The following ELL variants were observed in gnomAD, a reference collection of about 807,000 sequenced individuals.
ELL encodes elongation factor for RNA polymerase II.
ELL carries 18 observed loss-of-function variants against 64.0 expected under a neutral mutation model. The ratio of observed to expected loss-of-function variants is 0.28; its 90% confidence interval spans 0.19 to 0.42. The LOEUF (loss-of-function observed/expected upper bound fraction) is 0.42. ELL is among the 10% of genes least tolerant of loss of function. ELL has a pLI of 1.00. For synonymous variants in ELL, 399 were observed against 376.2 expected, an observed-to-expected ratio of 1.06 and a Z score of -0.70; for missense variants, 797 against 870.4, an observed-to-expected ratio of 0.92 and a Z score of 1.06.
chr19:18,456,929 T>C (rs1568378820), intron 6 of ELL, among the ~76,000 whole-genome samples: 1 of 146,918 alleles, frequency 6.8e-6, no homozygotes, highest in South Asian at 2.2e-4. Flanking sequence ...CTGCTATAAA[T>C]GGGGCTTTCT....
At chr19:18,503,157 C>A (rs964220047) in intron 1 of ELL, among the ~76,000 whole-genome samples, 1 of 152,228 alleles carries the variant, frequency 6.6e-6, no homozygotes, top group Non-Finnish European at 1.5e-5. Context: ...TGGCACCCAG[C>A]GCAGGGACAT....
At position 18,450,860 on chromosome 19, in the gene ELL, C is replaced by A. The variant is rs1408225977; in HGVS notation, c.1082G>T (p.Gly361Val). The change falls in exon 8 of 12, where the codon GGC (glycine) becomes GTC (valine). Residue 361 changes from glycine (G) to valine (V), a missense_variant. Coordinates refer to ENST00000262809, the MANE Select transcript of ELL (RefSeq NM_006532.4). ...AVNGKLGVPN[G>V]REALLPTPGP... ...CGGGGTGGGCAGCAAGGCCTCACGG[C>A]CATTGGGCACGCCCAGCTTCCCGTT... 1.9e-6 allele frequency: 3 copies of A among 1,589,158 alleles called. No homozygotes were observed. The highest frequency in any genetic ancestry group is 2.6e-6 in the Non-Finnish European group (3 of 1,165,906).
chr19:18,508,070 T>C lies in ELL; in HGVS notation c.135+13851A>G, dbSNP rs551687497. On this transcript the variant is annotated intron_variant, in intron 1 of 11. Transcript: ENST00000262809. ...GTTCCCACTGGAGGCTATGTCAGGA[T>C]TGATGCAGTCCCTGAGAAAAACTCC... Among the ~76,000 whole-genome samples the C allele has an allele frequency of 5.9e-5, 9 of 152,320 alleles. No homozygotes were observed. The South Asian group carries it at 1.4e-3, about 25-fold the overall frequency.
intron 1 of ELL, among the ~76,000 whole-genome samples, chr19:18,512,853 G>T (rs537476416): frequency 6.6e-6 from 1 of 152,094 alleles, no homozygotes; most frequent in African/African-American, 2.4e-5. Context: ...TGGGAGCAGC[G>T]CCACCAATGT....
At chr19:18,447,497 G>A (rs1974439753) in intron 8 of ELL, among the ~76,000 whole-genome samples, 1 of 152,258 alleles carries the variant, frequency 6.6e-6, no homozygotes, top group Non-Finnish European at 1.5e-5. Context: ...TGTCCATGAT[G>A]ACGCTCAGCC....
At chr19:18,452,376 G>T (rs1287428736) in intron 6 of ELL, among the ~76,000 whole-genome samples, 1 of 152,220 alleles carries the variant, frequency 6.6e-6, no homozygotes, top group African/African-American at 2.4e-5. Flanking sequence ...AATGGGCTAG[G>T]CTACAGACCA....
chr19:18,447,673 C>T (rs1481992844), intron 8 of ELL, among the ~76,000 whole-genome samples: 5 of 152,208 alleles, frequency 3.3e-5, no homozygotes, highest in African/African-American at 7.2e-5. Context: ...GACTGAAGTG[C>T]GCGTCGCCTA....
intron 1 of ELL, among the ~76,000 whole-genome samples, chr19:18,479,968 G>A (rs1975263136): frequency 6.6e-6 from 1 of 152,134 alleles, no homozygotes; most frequent in Non-Finnish European, 1.5e-5. Flanking sequence ...ACTCTCCCCA[G>A]GCAGCACGTT....
chr19:18,444,803 G>T lies in ELL; in HGVS notation c.1815C>A (p.Ile605=). The T allele has an allele frequency of 6.2e-7, 1 of 1,611,280 alleles. No homozygotes were observed. ...GGTCGTACTCGGCGATGAGCCTCTT[G>T]ATGTGGGCCAGCTTGCTGTGCAGGT... ...CEYLHSKLAH[I]KRLIAEYDQR... The change falls in exon 12 of 12, where the codon ATC becomes ATA. Residue 605 remains isoleucine, a synonymous_variant. Transcript: ENST00000262809.
intron 6 of ELL, among the ~76,000 whole-genome samples, chr19:18,456,166 T>G (rs1367771767): frequency 1.3e-5 from 2 of 151,634 alleles, no homozygotes; most frequent in Non-Finnish European, 2.9e-5. Context: ...AAGAGCAGTT[T>G]GAGGTGGTGT....
intron 1 of ELL, among the ~76,000 whole-genome samples, chr19:18,496,878 T>A (rs1278348682): frequency 6.6e-6 from 1 of 152,248 alleles, no homozygotes; most frequent in East Asian, 1.9e-4. Flanking sequence ...CTTATTAGAA[T>A]GCCCAAAACT....
At chr19:18,456,097 CA>C (rs111754388) in intron 6 of ELL, among the ~76,000 whole-genome samples, 1,487 of 98,674 alleles carry the variant, frequency 0.015, 17 homozygotes, top group African/African-American at 0.046. Context: ...AACTCCATCA[CA>C]AAAAAAAAAA....
intron 1 of ELL, among the ~76,000 whole-genome samples, chr19:18,488,642 G>A (rs533508914): frequency 6.6e-6 from 1 of 152,332 alleles, no homozygotes; most frequent in African/African-American, 2.4e-5. Context: ...CTATGGACCG[G>A]GCTGTGCATC....
chr19:18,443,202 G>C lies in ELL; in HGVS notation c.*1550C>G, dbSNP rs541926974. On this transcript the variant is annotated 3_prime_UTR_variant, in exon 12 of 12. Transcript: ENST00000262809. ...AGCCTGCTCGGCCCTTCCCCGGCCC[G>C]GCCCGGCCCAAAGAGAAAAACAACA... 4.3e-6 allele frequency: 1 copy of C among 231,896 alleles called. No homozygotes were observed. Among genetic ancestry groups the C allele is most frequent in the Admixed American group, 5.6e-5 (1 of 17,730 alleles). The allele number at this position is 231,896 out of a possible 1,614,324, so 14.4% of individuals were successfully genotyped here.
At chr19:18,456,176 T>C (rs1350938747) in intron 6 of ELL, among the ~76,000 whole-genome samples, 1 of 151,520 alleles carries the variant, frequency 6.6e-6, no homozygotes, top group East Asian at 1.9e-4. Context: ...TGAGGTGGTG[T>C]GCAGTAGGAT....
chr19:18,465,720 C>T (rs1974919550), intron 3 of ELL, 77 bp downstream of exon 3: 3 of 1,446,590 alleles, frequency 2.1e-6, no homozygotes, highest in Admixed American at 2.6e-5. Context: ...CAATGGGGCA[C>T]ATCTCAACCC....
intron 6 of ELL, among the ~76,000 whole-genome samples, chr19:18,455,445 A>T (rs1271649812): frequency 3.3e-5 from 5 of 150,594 alleles, no homozygotes; most frequent in Admixed American, 2.7e-4. Flanking sequence ...AGCCGAGATC[A>T]TGCCACTGCA....
intron 2 of ELL, chr19:18,472,608 G>T: frequency 1.8e-6 from 1 of 542,852 alleles, no homozygotes; most frequent in Non-Finnish European, 3.2e-6. Flanking sequence ...GAGCCACTGG[G>T]AGAGGAGAGC....
chr19:18,477,744 G>A (rs767542392), intron 1 of ELL, among the ~76,000 whole-genome samples: 2 of 152,214 alleles, frequency 1.3e-5, no homozygotes, highest in Non-Finnish European at 2.9e-5. Context: ...TGCACTGTGA[G>A]GAAGGTTCTA....
Sources: allele counts gnomAD v4.1 joint callset (sites outside exome capture counted in the v4.1 genomes callset), GRCh38; gene constraint gnomAD v4.1.1; transcripts MANE v1.5; gene names NCBI Gene and HGNC (gene_info 2026-07-23, HGNC 2026-07-21).